CCDC88C: variants seen among roughly 807,000 people sequenced by gnomAD.
CCDC88C encodes protein Daple.
Under a neutral mutation model 198.8 loss-of-function variants are expected in CCDC88C, and 131 were observed. The observed-to-expected ratio is 0.66, with a 90% CI of 0.57 to 0.76. CCDC88C has a LOEUF of 0.76. Ranked by LOEUF, CCDC88C falls within the 30% of genes least tolerant of loss-of-function variation. The pLI is 0.00. For missense variants in CCDC88C, 2,553 were observed against 2,631.6 expected, an observed-to-expected ratio of 0.97 and a Z score of 0.65; for synonymous variants, 1,166 against 1,114.7, an observed-to-expected ratio of 1.05 and a Z score of -0.92.
rs145770886 is a variant in CCDC88C at position 91,395,550 on chromosome 14, G to A, written c.270+13109C>T. Among the ~76,000 whole-genome samples the A allele has an allele frequency of 3.9e-4, 60 of 152,140 alleles. No individual in the cohort carries two copies. In the Middle Eastern group the frequency reaches 0.01, roughly 26 times the overall value. ...GCCTTCCCACCTCCCATTCCACCTT[G>A]TTCTCTGGCTTCACTTTTCTGGCCT... On this transcript the variant is annotated intron_variant, in intron 3 of 29. Coordinates refer to ENST00000389857, the MANE Select transcript of CCDC88C (RefSeq NM_001080414.4).
At chr14:91,308,922 C>T (rs924784574) in intron 16 of CCDC88C, among the ~76,000 whole-genome samples, 9 of 152,124 alleles carry the variant, frequency 5.9e-5, no homozygotes, top group Non-Finnish European at 1.2e-4. Context: ...CCAAGATGTT[C>T]GATTTCCCAA....
At chr14:91,310,043 C>A in intron 15 of CCDC88C, 57 bp from the exon 16 acceptor site, 2 of 1,497,138 alleles carry the variant, frequency 1.3e-6, no homozygotes, top group Non-Finnish European at 1.8e-6. Context: ...GCAGGAAGGC[C>A]AGGCGCCAGT....
At chr14:91,281,211 G>T in intron 27 of CCDC88C, 1 of 974,290 alleles carries the variant, frequency 1.0e-6, no homozygotes, top group Non-Finnish European at 1.5e-6. Flanking sequence ...TTGAAGGCAT[G>T]AAGAGGAGAG....
chr14:91,392,843 G>A (rs1885598208), intron 3 of CCDC88C, among the ~76,000 whole-genome samples: 1 of 151,716 alleles, frequency 6.6e-6, no homozygotes, highest in East Asian at 1.9e-4. Context: ...GAGGCTGCCG[G>A]AGTCCCCGCC....
Position 91,316,425 on chromosome 14 carries a change from C to A in CCDC88C, c.1528-638G>T, listed in dbSNP as rs71428752. 3.9e-3 allele frequency among the ~76,000 whole-genome samples: 593 copies of A among 151,580 alleles called. 3 individuals carry two copies. Among genetic ancestry groups the A allele is most frequent in the African/African-American group, 0.013 (546 of 40,998 alleles). On this transcript the variant is annotated intron_variant, in intron 13 of 29. Coordinates refer to ENST00000389857, the MANE Select transcript of CCDC88C (RefSeq NM_001080414.4). ...TGCTGAAATGCAGATTCTGACTCAA[C>A]CTTTTTTTTTTTTTGAGATGGAGTT...
At position 91,336,511 on chromosome 14, in the gene CCDC88C, C is replaced by T. The variant is rs372959898; in HGVS notation, c.1050+1494G>A. Among the ~76,000 whole-genome samples, 15 of 152,318 alleles carry T rather than the reference C, an allele frequency of 9.8e-5. No individual in the cohort carries two copies. In the East Asian group the frequency reaches 1.9e-3, roughly 20 times the overall value. On this transcript the variant is annotated intron_variant, in intron 10 of 29. Transcript: ENST00000389857. ...CATGACAGTCCCCAGCCCTCCCACCCGGGGCATTTCCAGTAAGCAATGCAG... is the reference window on the plus strand; with the variant it reads ...CATGACAGTCCCCAGCCCTCCCACCTGGGGCATTTCCAGTAAGCAATGCAG...
In CCDC88C at chr14:91,371,119, C is replaced by G. The variant is rs1252217771; in HGVS notation, c.271-11408G>C. ...AGTTCTGGGCTGCCCTTTCCTCTGT[C>G]CCTAAGTCCACCCCTCCTGGCTAAA... On this transcript the variant is annotated intron_variant, in intron 3 of 29. Transcript: ENST00000389857. This position sits in a 1 kb window ranked among gnomAD's most constrained non-coding sequence, Gnocchi z 4.2. Among the ~76,000 whole-genome samples the G allele has an allele frequency of 2.6e-5, 4 of 152,200 alleles. No individual in the cohort carries two copies. The highest frequency in any genetic ancestry group is 9.7e-5 in the African/African-American group (4 of 41,444).
intron 3 of CCDC88C, among the ~76,000 whole-genome samples, chr14:91,373,087 T>TGCGAGGA (rs1419189703): frequency 6.6e-6 from 1 of 152,174 alleles, no homozygotes; most frequent in East Asian, 1.9e-4. Flanking sequence ...TACCTGTGTG[T>TGCGAGGA]GCGAGGAGTG....
chr14:91,324,350 C>T (rs1023572789), intron 12 of CCDC88C, among the ~76,000 whole-genome samples: 1 of 152,250 alleles, frequency 6.6e-6, no homozygotes, highest in African/African-American at 2.4e-5. Flanking sequence ...AACAGGCTGC[C>T]TCCATCTTGC....
intron 3 of CCDC88C, among the ~76,000 whole-genome samples, chr14:91,374,189 T>C (rs1410945414): frequency 7.9e-5 from 12 of 152,192 alleles, no homozygotes; most frequent in Non-Finnish European, 1.8e-4. Flanking sequence ...CCCTCCCCCA[T>C]CTACAGTGTA....
chr14:91,348,524 C>G (rs1380379653), intron 4 of CCDC88C, among the ~76,000 whole-genome samples: 1 of 151,988 alleles, frequency 6.6e-6, no homozygotes, highest in Non-Finnish European at 1.5e-5. Flanking sequence ...AAACAACACT[C>G]CGAGGCTGTT....
chr14:91,377,889 G>C (rs980561115), intron 3 of CCDC88C, among the ~76,000 whole-genome samples: 4 of 152,170 alleles, frequency 2.6e-5, no homozygotes, highest in African/African-American at 9.6e-5. Flanking sequence ...GAGGCGCGCT[G>C]CCTCCTCCTT....
chr14:91,351,890 C>A (rs1358877007), intron 4 of CCDC88C, among the ~76,000 whole-genome samples: 1 of 152,122 alleles, frequency 6.6e-6, no homozygotes, highest in Non-Finnish European at 1.5e-5. Context: ...CCTCGGAGCA[C>A]CCTCACCCCA....
chr14:91,356,598 G>C (rs191999687), intron 4 of CCDC88C, among the ~76,000 whole-genome samples: 1 of 152,208 alleles, frequency 6.6e-6, no homozygotes, highest in Admixed American at 6.5e-5. Flanking sequence ...ATTGTGGTTA[G>C]GGTTTTACAG....
rs375420508 is a variant in CCDC88C at position 91,283,353 on chromosome 14, C to T, written c.4606G>A (p.Ala1536Thr). ...TTAPSNSTPI[A>T]RHPGRTKGYN... ...CCTTTGGTGCGGCCTGGGTGCCGGG[C>T]GATGGGGGTGGAGTTGGAAGGGGCT... The change falls in exon 26 of 30, where the codon GCC becomes ACC. Residue 1536 changes from alanine (A) to threonine (T), a missense_variant. Coordinates refer to ENST00000389857, the MANE Select transcript of CCDC88C (RefSeq NM_001080414.4). 2.0e-5 allele frequency: 32 copies of T among 1,613,406 alleles called. No homozygotes were observed. Among genetic ancestry groups the T allele is most frequent in the South Asian group, 1.9e-4 (17 of 90,992 alleles).
rs201116108 is a variant in CCDC88C at position 91,304,016 on chromosome 14, A to C, written c.3358-38T>G. ...AGAAGCGCGGCGTGGCGCAGGCCCCACAGTCAGCGAGGAGGGCTGGGGAGC... is the reference window on the plus strand; with the variant it reads ...AGAAGCGCGGCGTGGCGCAGGCCCCCCAGTCAGCGAGGAGGGCTGGGGAGC... On this transcript the variant is annotated intron_variant, in intron 19 of 29. Transcript: ENST00000389857. The C allele has an allele frequency of 3.8e-5, 60 of 1,581,872 alleles. No individual in the cohort carries two copies. The African/African-American group carries it at 6.7e-4, about 18-fold the overall frequency.
intron 21 of CCDC88C, among the ~76,000 whole-genome samples, chr14:91,299,225 CA>C (rs1450637121): frequency 6.6e-6 from 1 of 152,210 alleles, no homozygotes; most frequent in Non-Finnish European, 1.5e-5. Context: ...CATGCCTGAA[CA>C]AAGCTTATCT....
In CCDC88C at chr14:91,342,371, C is replaced by T. The variant is rs192918180; in HGVS notation, c.483+9G>A. The T allele has an allele frequency of 1.3e-5, 20 of 1,568,734 alleles. No homozygotes were observed. Among genetic ancestry groups the T allele is most frequent in the East Asian group, 1.2e-4 (5 of 43,138 alleles). On this transcript the variant is annotated intron_variant, in intron 6 of 29. Transcript: ENST00000389857. ...CACAGCTGAGCCCACCACGAGGCCA[C>T]GCACCTACCTCCTGGATATGGGCCA...
At chr14:91,319,514 A>C (rs1424960040) in intron 13 of CCDC88C, among the ~76,000 whole-genome samples, 1 of 152,248 alleles carries the variant, frequency 6.6e-6, no homozygotes, top group Non-Finnish European at 1.5e-5. Context: ...CAGTGGCCTC[A>C]CACATACAGA....
Sources: gnomAD v4.1 joint callset for allele counts (sites outside exome capture counted in the v4.1 genomes callset) on GRCh38, gnomAD v4.1.1 for gene constraint, Gnocchi (gnomAD v3.1) non-coding constraint, MANE v1.5 for transcripts, NCBI Gene and HGNC (gene_info 2026-07-23, HGNC 2026-07-21) for gene names.